Variants in FOXK1 observed in about 807,000 individuals in gnomAD.
The protein encoded by FOXK1 is forkhead box protein K1.
Under a neutral mutation model 51.9 loss-of-function variants are expected in FOXK1, and 19 were observed. The observed-to-expected ratio is 0.37, with a 90% CI of 0.26 to 0.54. The LOEUF is 0.54. Ranked by LOEUF, FOXK1 falls within the 20% of genes least tolerant of loss-of-function variation. FOXK1 has a pLI of 0.87. For synonymous variants in FOXK1, 537 were observed against 482.6 expected (o/e 1.11, Z -1.48); for missense variants, 870 against 1,032.7 (o/e 0.84, Z 2.16).
rs188346419 is a variant in FOXK1 at position 4,731,780 on chromosome 7, A to G, written c.561-9058A>G. On this transcript the variant is annotated intron_variant, in intron 1 of 8. Coordinates refer to ENST00000328914, the MANE Select transcript of FOXK1 (RefSeq NM_001037165.2). The surrounding 1 kb of genome is among the most constrained non-coding windows in gnomAD (Gnocchi z 5.3). Reference sequence around the variant, plus strand: ...CCTCAAAAAAAAAAAAAAAAAAAGAAAACAGAGAGGCCTGCTTATAACACC... The same window carrying G: ...CCTCAAAAAAAAAAAAAAAAAAAGAGAACAGAGAGGCCTGCTTATAACACC... Among the ~76,000 whole-genome samples the G allele has an allele frequency of 0.012, 1,820 of 152,048 alleles. 103 individuals carry two copies. Among genetic ancestry groups the G allele is most frequent in the Admixed American group, 0.098 (1,490 of 15,214 alleles).
In FOXK1 at chr7:4,722,270, C is replaced by G. The variant is rs371713824; in HGVS notation, c.561-18568C>G. 7.5e-6 allele frequency among the ~76,000 whole-genome samples: 1 copy of G among 132,764 alleles called. No individual in the cohort carries two copies. The highest frequency in any genetic ancestry group is 7.0e-5 in the Admixed American group (1 of 14,248). The allele number at this position is 132,764 out of a possible 152,430, so 87.1% of individuals were successfully genotyped here. A position where few individuals can be genotyped will look rare whatever the true frequency, so the allele number is the denominator to read the frequency against. On this transcript the variant is annotated intron_variant, in intron 1 of 8. Coordinates refer to ENST00000328914, the MANE Select transcript of FOXK1 (RefSeq NM_001037165.2). This position sits in a 1 kb window ranked among gnomAD's most constrained non-coding sequence, Gnocchi z 5.1. Reference sequence around the variant, plus strand: ...CTGGCTTTGCATTCTCTGCCTTTCCCGAGCGTCCCTGCCTCAGATTCCAAA... The same window carrying G: ...CTGGCTTTGCATTCTCTGCCTTTCCGGAGCGTCCCTGCCTCAGATTCCAAA...
rs1420871544 is a variant in FOXK1 at position 4,759,606 on chromosome 7, C to T, written c.1696+11C>T. On this transcript the variant is annotated intron_variant, in intron 7 of 8. Coordinates refer to ENST00000328914, the MANE Select transcript of FOXK1 (RefSeq NM_001037165.2). The stretch of plus-strand genomic sequence containing the variant: ...GCAGCGAGGCCAGAGGTAATGCAGC[C>T]GCGGCTGGCAGCCTTCGCAGGACCC... 1.3e-6 allele frequency: 2 copies of T among 1,531,552 alleles called. No individual in the cohort carries two copies. 94.9% of individuals were successfully genotyped at this position (1,531,552 alleles called of 1,614,324 possible).
chr7:4,730,128 A>G lies in FOXK1; in HGVS notation c.561-10710A>G, dbSNP rs1429871422. ...TGTCTTTTCTTTTTCCAAATAGGACATGCTTATTTGCCTGATTACAAAAAT... is the reference window on the plus strand; with the variant it reads ...TGTCTTTTCTTTTTCCAAATAGGACGTGCTTATTTGCCTGATTACAAAAAT... On this transcript the variant is annotated intron_variant, in intron 1 of 8. Coordinates refer to ENST00000328914, the MANE Select transcript of FOXK1 (RefSeq NM_001037165.2). This position sits in a 1 kb window ranked among gnomAD's most constrained non-coding sequence, Gnocchi z 4.7. Among the ~76,000 whole-genome samples, 1 of 152,238 alleles carries G rather than the reference A, an allele frequency of 6.6e-6. No homozygotes were observed. Among genetic ancestry groups the G allele is most frequent in the East Asian group, 1.9e-4 (1 of 5,204 alleles).
In FOXK1 at chr7:4,709,824, T is replaced by C. The variant is rs963615866; in HGVS notation, c.560+26956T>C. 2.0e-5 allele frequency among the ~76,000 whole-genome samples: 3 copies of C among 152,042 alleles called. No homozygotes were observed. Among genetic ancestry groups the C allele is most frequent in the African/African-American group, 7.2e-5 (3 of 41,380 alleles). ...TGTTCAGCCAGCAGTTCACTGTCTG[T>C]AAAATAGGTCCAAAAGCCATCCCCA... On this transcript the variant is annotated intron_variant, in intron 1 of 8. Coordinates refer to ENST00000328914, the MANE Select transcript of FOXK1 (RefSeq NM_001037165.2). The surrounding 1 kb of genome is among the most constrained non-coding windows in gnomAD (Gnocchi z 5.6).
At chr7:4,754,286 A>C (rs1780814508) in intron 2 of FOXK1, among the ~76,000 whole-genome samples, 173 bp from the exon 3 acceptor site, 1 of 152,218 alleles carries the variant, frequency 6.6e-6, no homozygotes, top group Admixed American at 6.5e-5. Flanking sequence ...CGTTTCCAGC[A>C]TCTTGTCCCC....
chr7:4,736,421 T>TG (rs1425883794), intron 1 of FOXK1, among the ~76,000 whole-genome samples: 2 of 151,020 alleles, frequency 1.3e-5, no homozygotes, highest in Non-Finnish European at 2.9e-5. Flanking sequence ...TTTGTTTTTT[T>TG]TTTTTTTTTA....
At chr7:4,688,508 G>A (rs941282005) in intron 1 of FOXK1, among the ~76,000 whole-genome samples, 2 of 151,756 alleles carry the variant, frequency 1.3e-5, no homozygotes, top group African/African-American at 4.8e-5. Context: ...GATTCCCCCT[G>A]CCTCAGCCTC....
intron 1 of FOXK1, among the ~76,000 whole-genome samples, chr7:4,687,257 TG>T: frequency 6.6e-6 from 1 of 150,640 alleles, no homozygotes; most frequent in Non-Finnish European, 1.5e-5. Flanking sequence ...ACATAGTTAA[TG>T]TATCCAACTG....
intron 1 of FOXK1, among the ~76,000 whole-genome samples, chr7:4,697,528 C>G (rs779574571): frequency 3.3e-5 from 5 of 152,166 alleles, no homozygotes; most frequent in Admixed American, 6.5e-5. Flanking sequence ...TTCCTTCTGG[C>G]CATGCCTGGT....
rs1781014834 is a variant in FOXK1, at chr7:4,766,664, C to T, written c.*4200C>T. The T allele has an allele frequency of 6.6e-6, 1 of 152,244 alleles. No individual in the cohort carries two copies. Among genetic ancestry groups the T allele is most frequent in the Non-Finnish European group, 1.5e-5 (1 of 68,086 alleles). 9.4% of individuals were successfully genotyped at this position (152,244 alleles called of 1,614,324 possible). ...GGCCAGGACGGGGGCTTCACCCTGC[C>T]CCCTCCAGACTGCCGAAGCCCCCAA... On this transcript the variant is annotated 3_prime_UTR_variant, in exon 9 of 9. Coordinates refer to ENST00000328914, the MANE Select transcript of FOXK1 (RefSeq NM_001037165.2). The surrounding 1 kb of genome is among the most constrained non-coding windows in gnomAD (Gnocchi z 5.5).
Position 4,731,982 on chromosome 7 carries a change from T to TTCAG in FOXK1, c.561-8854_561-8851dup, listed in dbSNP as rs1413183831. Among the ~76,000 whole-genome samples, 1 of 152,198 alleles carries TTCAG rather than the reference T, an allele frequency of 6.6e-6. No individual in the cohort carries two copies. Among genetic ancestry groups the TTCAG allele is most frequent in the South Asian group, 2.1e-4 (1 of 4,838 alleles). ...CGGGCTGGCCAGGGCGGGGCTCAGA[T>TTCAG]TCAGTGACTTGCCCAGGTGCCCCCA... On this transcript the variant is annotated intron_variant, in intron 1 of 8. Transcript: ENST00000328914. The surrounding 1 kb of genome is among the most constrained non-coding windows in gnomAD (Gnocchi z 5.3).
rs1352499904 is a variant in FOXK1, at chr7:4,756,497, T to C, written c.1051-497T>C. On this transcript the variant is annotated intron_variant, in intron 4 of 8. Coordinates refer to ENST00000328914, the MANE Select transcript of FOXK1 (RefSeq NM_001037165.2). This position sits in a 1 kb window ranked among gnomAD's most constrained non-coding sequence, Gnocchi z 4.1. The stretch of plus-strand genomic sequence containing the variant: ...GTTTCACTTTTTCTGTAAAGAATGG[T>C]AATGGCAGCCAGGCACAGTAGCTCA... Among the ~76,000 whole-genome samples the C allele has an allele frequency of 1.3e-5, 2 of 151,422 alleles. No individual in the cohort carries two copies.
chr7:4,713,765 C>T (rs1274149266), intron 1 of FOXK1, among the ~76,000 whole-genome samples: 1 of 152,004 alleles, frequency 6.6e-6, no homozygotes, highest in African/African-American at 2.4e-5. Flanking sequence ...GTTGGGATTA[C>T]AGGCGTGAGC....
At chr7:4,700,389 G>T (rs1396311600) in intron 1 of FOXK1, among the ~76,000 whole-genome samples, 1 of 152,228 alleles carries the variant, frequency 6.6e-6, no homozygotes, top group Non-Finnish European at 1.5e-5. Flanking sequence ...CTAAAGGTCT[G>T]GCTTTTGCTG....
chr7:4,740,750 T>C, intron 1 of FOXK1, 88 bp from the exon 2 acceptor site: 2 of 1,350,944 alleles, frequency 1.5e-6, no homozygotes, highest in African/African-American at 3.1e-5. Context: ...TCCAGTTACT[T>C]AGACACACAG....
chr7:4,742,574 A>G (rs1205375726), intron 2 of FOXK1, among the ~76,000 whole-genome samples: 1 of 151,440 alleles, frequency 6.6e-6, no homozygotes, highest in East Asian at 1.9e-4. Flanking sequence ...GCACCACCAC[A>G]CCCACTTAAT....
Position 4,757,029 on chromosome 7 carries a change from C to T in FOXK1, c.1086C>T (p.Tyr362=), listed in dbSNP as rs1219188112. 6.2e-7 allele frequency: 1 copy of T among 1,613,780 alleles called. No homozygotes were observed. Among genetic ancestry groups the T allele is most frequent in the Non-Finnish European group, 8.5e-7 (1 of 1,179,984 alleles). The change falls in exon 5 of 9, where the codon TAC becomes TAT. Residue 362 remains tyrosine, a synonymous_variant. Coordinates refer to ENST00000328914, the MANE Select transcript of FOXK1 (RefSeq NM_001037165.2). ...SIRHNLSLNR[Y]FIKVPRSQEE... ...GGCACAACCTCTCTTTGAACCGTTA[C>T]TTTATCAAAGTCCCACGTTCCCAGG...
chr7:4,754,365 C>A (rs1780815331), intron 2 of FOXK1, 94 bp from the exon 3 acceptor site: 1 of 1,419,772 alleles, frequency 7.0e-7, no homozygotes, highest in East Asian at 2.3e-5. Flanking sequence ...TTCTTCCCCA[C>A]AGCCCCACCC....
intron 1 of FOXK1, among the ~76,000 whole-genome samples, chr7:4,739,303 AC>A (rs1284815684): frequency 6.6e-6 from 1 of 151,510 alleles, no homozygotes; most frequent in Non-Finnish European, 1.5e-5. Flanking sequence ...TTCTTTCTTA[AC>A]CCCCTCCTAC....
Sources: gnomAD v4.1 joint callset for allele counts (sites outside exome capture counted in the v4.1 genomes callset) on GRCh38, gnomAD v4.1.1 for gene constraint, Gnocchi (gnomAD v3.1) non-coding constraint, MANE v1.5 for transcripts, NCBI Gene and HGNC (gene_info 2026-07-23, HGNC 2026-07-21) for gene names.